The following CACNA2D3 variants were observed in gnomAD, a reference collection of about 807,000 sequenced individuals.
The protein encoded by CACNA2D3 is calcium voltage-gated channel auxiliary subunit alpha2delta 3, also known as voltage-dependent calcium channel subunit alpha-2/delta-3.
In CACNA2D3, 60 loss-of-function variants were observed where a neutral mutation model predicts 160.6. The ratio of observed to expected loss-of-function variants is 0.37; its 90% CI spans 0.30 to 0.46. The LOEUF is 0.46. Among genes scored for constraint, CACNA2D3 ranks in the 20% least tolerant of loss-of-function variants. The pLI, the probability that CACNA2D3 is intolerant of heterozygous loss-of-function variation, is 1.00. For missense variants in CACNA2D3, 1,205 were observed against 1,365.0 expected (o/e 0.88, Z 1.85); for synonymous variants, 558 against 492.9 (o/e 1.13, Z -1.75).
chr3:54,856,042 TATC>T (rs1173204998), intron 17 of CACNA2D3, among the ~76,000 whole-genome samples: 1 of 152,162 alleles, frequency 6.6e-6, no homozygotes, highest in African/African-American at 2.4e-5. Flanking sequence ...ATTGTAGAAA[TATC>T]ATGACACATC....
At chr3:55,063,689 C>T (rs1704567767) in intron 35 of CACNA2D3, among the ~76,000 whole-genome samples, 1 of 152,018 alleles carries the variant, frequency 6.6e-6, no homozygotes, top group Non-Finnish European at 1.5e-5. Flanking sequence ...CCAGGTAGAA[C>T]ATAAAGGCCC....
chr3:54,394,012 G>T (rs1699328762), intron 4 of CACNA2D3, among the ~76,000 whole-genome samples: 1 of 152,168 alleles, frequency 6.6e-6, no homozygotes, highest in African/African-American at 2.4e-5. Flanking sequence ...ATGCTTCTGT[G>T]TCTCACCATC....
At chr3:54,316,534 G>C (rs1450261685) in intron 2 of CACNA2D3, among the ~76,000 whole-genome samples, 2 of 152,208 alleles carry the variant, frequency 1.3e-5, no homozygotes, top group African/African-American at 4.8e-5. Context: ...TGGCTCGTTT[G>C]CAAGAAACAC....
intron 4 of CACNA2D3, among the ~76,000 whole-genome samples, chr3:54,458,120 G>T (rs1481201394): frequency 1.3e-5 from 2 of 151,892 alleles, no homozygotes; most frequent in African/African-American, 4.8e-5. Context: ...CTGTCATTTT[G>T]TTAATTGGTT....
chr3:54,748,398 T>A (rs1347728457), intron 11 of CACNA2D3, among the ~76,000 whole-genome samples: 1 of 152,142 alleles, frequency 6.6e-6, no homozygotes, highest in Non-Finnish European at 1.5e-5. Flanking sequence ...CTGGATGAGT[T>A]TTTTGTTTGT....
intron 2 of CACNA2D3, among the ~76,000 whole-genome samples, chr3:54,275,788 T>G (rs1036060690): frequency 2.6e-5 from 4 of 151,988 alleles, no homozygotes; most frequent in African/African-American, 9.7e-5. Flanking sequence ...TGGCTAATTT[T>G]TATGTTTTTA....
Position 54,953,790 on chromosome 3 carries a change from G to A in CACNA2D3, c.2450-14660G>A, listed in dbSNP as rs138586356. On this transcript the variant is annotated intron_variant, in intron 27 of 37. Transcript: ENST00000474759. Reference sequence around the variant, plus strand: ...TGGGAATCACTGGGAGTGGGTGAGGGGGGTGCACTGCAAGTCAGTGCGCAC... The same window carrying A: ...TGGGAATCACTGGGAGTGGGTGAGGAGGGTGCACTGCAAGTCAGTGCGCAC... Among the ~76,000 whole-genome samples the A allele has an allele frequency of 2.6e-3, 396 of 152,212 alleles. 4 individuals are homozygous for A. Among genetic ancestry groups the A allele is most frequent in the African/African-American group, 9.0e-3 (372 of 41,532 alleles).
At chr3:54,653,463 A>G (rs1052967463) in intron 11 of CACNA2D3, among the ~76,000 whole-genome samples, 2 of 152,318 alleles carry the variant, frequency 1.3e-5, no homozygotes, top group East Asian at 1.9e-4. Flanking sequence ...GATAAATCCT[A>G]AAGCTATCTC....
At chr3:55,034,522 A>T (rs187870236) in intron 35 of CACNA2D3, among the ~76,000 whole-genome samples, 236 of 152,168 alleles carry the variant, frequency 1.6e-3, no homozygotes, top group African/African-American at 5.5e-3. Flanking sequence ...TATTTTCTCA[A>T]TACAAAAGTA....
intron 3 of CACNA2D3, among the ~76,000 whole-genome samples, chr3:54,320,879 A>C (rs1043456933): frequency 2.0e-5 from 3 of 152,202 alleles, no homozygotes; most frequent in Non-Finnish European, 4.4e-5. Context: ...TCAAAGGTAC[A>C]CTAGGGTTCA....
At chr3:54,739,941 G>T (rs988271570) in intron 11 of CACNA2D3, among the ~76,000 whole-genome samples, 2 of 151,950 alleles carry the variant, frequency 1.3e-5, no homozygotes, top group African/African-American at 4.8e-5. Flanking sequence ...TTCCGCAAGG[G>T]CAGAGACCAT....
rs1353609592 is a variant in CACNA2D3, at chr3:54,379,130, C to A, written c.322-7585C>A. Among the ~76,000 whole-genome samples, 3 of 152,188 alleles carry A rather than the reference C, an allele frequency of 2.0e-5. No individual in the cohort carries two copies. In the East Asian group the frequency reaches 5.8e-4, roughly 29 times the overall value. ...GGGAAGAAAGCTCCCCACATACATG[C>A]ACGATGTGTTTTCTCTATTGTTCTG... On this transcript the variant is annotated intron_variant, in intron 3 of 37. Coordinates refer to ENST00000474759, the MANE Select transcript of CACNA2D3 (RefSeq NM_018398.3).
chr3:54,375,962 A>G (rs1699005153), intron 3 of CACNA2D3, among the ~76,000 whole-genome samples: 2 of 152,202 alleles, frequency 1.3e-5, no homozygotes, highest in Non-Finnish European at 2.9e-5. Flanking sequence ...AATAAATGTC[A>G]TTAAAGCAAG....
At chr3:54,412,485 A>C (rs905557187) in intron 4 of CACNA2D3, among the ~76,000 whole-genome samples, 2 of 151,592 alleles carry the variant, frequency 1.3e-5, no homozygotes, top group South Asian at 2.1e-4. Flanking sequence ...TTTAGATTTT[A>C]TCTTTTATCA....
Position 54,180,857 on chromosome 3 carries a change from GAGGGTA to G in CACNA2D3, c.204+57268_204+57273del, listed in dbSNP as rs1700769880. ...CAACCTTCCACCCTGGGCAGCTTTT[GAGGGTA>G]AGGGCTGTGTCTTGCTCTCTATATC... On this transcript the variant is annotated intron_variant, in intron 2 of 37. Coordinates refer to ENST00000474759, the MANE Select transcript of CACNA2D3 (RefSeq NM_018398.3). 2.0e-5 allele frequency among the ~76,000 whole-genome samples: 3 copies of G among 152,192 alleles called. No homozygotes were observed. In the South Asian group the frequency reaches 6.2e-4, roughly 32 times the overall value.
rs1004720537 is a variant in CACNA2D3 at position 54,353,467 on chromosome 3, T to A, written c.321+32909T>A. On this transcript the variant is annotated intron_variant, in intron 3 of 37. Transcript: ENST00000474759. Reference sequence around the variant, plus strand: ...AAGGTCCAGGAATAGCATTTTTTTTTTTTATAAAGGTAACACCCTCCCTGT... The same window carrying A: ...AAGGTCCAGGAATAGCATTTTTTTTATTTATAAAGGTAACACCCTCCCTGT... Among the ~76,000 whole-genome samples the A allele has an allele frequency of 5.9e-5, 9 of 152,208 alleles. No homozygotes were observed. The East Asian group carries it at 1.5e-3, about 26-fold the overall frequency.
intron 3 of CACNA2D3, among the ~76,000 whole-genome samples, chr3:54,322,687 G>C (rs1222174117): frequency 1.3e-5 from 2 of 152,150 alleles, no homozygotes; most frequent in Non-Finnish European, 2.9e-5. Flanking sequence ...CTTCTAATCT[G>C]TGAACATCTG....
chr3:54,188,516 C>T (rs183362865), intron 2 of CACNA2D3, among the ~76,000 whole-genome samples: 5 of 152,308 alleles, frequency 3.3e-5, no homozygotes, highest in Admixed American at 1.3e-4. Flanking sequence ...GGCTACGACA[C>T]CTCTTGACTG....
chr3:54,858,210 G>C (rs529023848), intron 17 of CACNA2D3, among the ~76,000 whole-genome samples: 5 of 152,036 alleles, frequency 3.3e-5, no homozygotes, highest in African/African-American at 4.8e-5. Flanking sequence ...TCCCCTTGTG[G>C]GGGAAATGAG....
Sources: gnomAD v4.1 joint callset for allele counts (sites outside exome capture counted in the v4.1 genomes callset) on GRCh38, gnomAD v4.1.1 for gene constraint, MANE v1.5 for transcripts, NCBI Gene and HGNC (gene_info 2026-07-23, HGNC 2026-07-21) for gene names.